FBXO42: variants seen among roughly 807,000 people sequenced by gnomAD.
FBXO42 encodes F-box protein 42, also known as F-box only protein 42.
A neutral mutation model predicts 71.7 loss-of-function variants in FBXO42; 12 were observed. The observed-to-expected ratio is 0.17, with a 90% CI of 0.11 to 0.27. FBXO42 has a LOEUF of 0.27. Among genes scored for constraint, FBXO42 ranks in the 10% least tolerant of loss-of-function variants. The probability of loss-of-function intolerance (pLI) is 1.00; values close to 1 mark genes in which losing one functional copy is unlikely to be tolerated. For missense variants in FBXO42, 707 were observed against 911.9 expected, an observed-to-expected ratio of 0.78 and a Z score of 2.89; for synonymous variants, 325 against 327.5, an observed-to-expected ratio of 0.99 and a Z score of 0.08.
intron 4 of FBXO42, among the ~76,000 whole-genome samples, chr1:16,286,583 G>C (rs1257051461): frequency 6.6e-6 from 1 of 152,086 alleles, no homozygotes; most frequent in Non-Finnish European, 1.5e-5. Flanking sequence ...ATTTGGGTGG[G>C]GACACAGGGC....
At chr1:16,347,387 C>T (rs1398609712) in intron 1 of FBXO42, among the ~76,000 whole-genome samples, 2 of 151,636 alleles carry the variant, frequency 1.3e-5, no homozygotes, top group Non-Finnish European at 2.9e-5. Flanking sequence ...TGGTGGTGTG[C>T]ACCTGTAATA....
In FBXO42 at chr1:16,337,883, C is replaced by CAAAAAAAAAAAAAAAAAAAAAAAAA. The variant is rs60328879; in HGVS notation, c.-18+14347_-18+14371dup. On this transcript the variant is annotated intron_variant, in intron 1 of 9. Transcript: ENST00000375592. ...TGGGAGAAAGAGCGAGACTCCGTCT[C>CAAAAAAAAAAAAAAAAAAAAAAAAA]AAAAAAAAAAAAAAAAAAAAAAAAA... is the stretch of plus-strand genomic sequence containing the variant. Among the ~76,000 whole-genome samples, 6 of 38,850 alleles carry CAAAAAAAAAAAAAAAAAAAAAAAAA rather than the reference C, an allele frequency of 1.5e-4. 1 individual carries two copies. Among genetic ancestry groups the CAAAAAAAAAAAAAAAAAAAAAAAAA allele is most frequent in the Non-Finnish European group, 2.7e-4 (6 of 22,550 alleles). The allele number at this position is 38,850 out of a possible 152,430, so 25.5% of individuals were successfully genotyped here.
intron 1 of FBXO42, among the ~76,000 whole-genome samples, chr1:16,328,607 G>A (rs2082470399): frequency 6.6e-6 from 1 of 152,002 alleles, no homozygotes; most frequent in Non-Finnish European, 1.5e-5. Context: ...ATTTACAATT[G>A]GTGCATAATA....
At chr1:16,347,992 C>CAAAAAAAAAAAA in intron 1 of FBXO42, among the ~76,000 whole-genome samples, 1 of 67,754 alleles carries the variant, frequency 1.5e-5, no homozygotes, top group South Asian at 5.9e-4. Context: ...GACTCCGTCT[C>CAAAAAAAAAAAA]AAAAAAAAAA....
intron 1 of FBXO42, among the ~76,000 whole-genome samples, chr1:16,342,683 T>C (rs2082618551): frequency 6.6e-6 from 1 of 152,082 alleles, no homozygotes; most frequent in African/African-American, 2.4e-5. Flanking sequence ...AGTTACCTAC[T>C]GCTATGGTTT....
chr1:16,285,674 A>C (rs913404105), intron 4 of FBXO42, among the ~76,000 whole-genome samples: 1 of 152,156 alleles, frequency 6.6e-6, no homozygotes, highest in Non-Finnish European at 1.5e-5. Context: ...CAGTCTTTAC[A>C]TGACTTGACC....
rs113684221 is a variant in FBXO42 at position 16,279,423 on chromosome 1, T to A, written c.502+15360A>T. Among the ~76,000 whole-genome samples, 2,335 of 152,144 alleles carry A rather than the reference T, an allele frequency of 0.015. 110 individuals carry two copies. The East Asian group carries it at 0.15, about 10-fold the overall frequency. ...CTACACTCCAGCCTGGGCAACAGAG[T>A]GAGACCCCATCTCTTGAAAAGCAAA... On this transcript the variant is annotated intron_variant, in intron 4 of 9. Coordinates refer to ENST00000375592, the MANE Select transcript of FBXO42 (RefSeq NM_018994.3).
At chr1:16,277,586 G>A (rs964601779) in intron 4 of FBXO42, among the ~76,000 whole-genome samples, 11 of 151,726 alleles carry the variant, frequency 7.2e-5, no homozygotes, top group African/African-American at 2.7e-4. Flanking sequence ...CTAGCCGGGC[G>A]TGGTGGTATG....
intron 4 of FBXO42, among the ~76,000 whole-genome samples, chr1:16,287,576 G>A (rs991214645): frequency 3.3e-5 from 5 of 152,176 alleles, no homozygotes; most frequent in Non-Finnish European, 7.3e-5. Flanking sequence ...TGAACAGAAG[G>A]ACTGTAGAGT....
intron 4 of FBXO42, among the ~76,000 whole-genome samples, chr1:16,281,083 C>T (rs377071986): frequency 1.1e-3 from 173 of 152,316 alleles, no homozygotes; most frequent in African/African-American, 4.0e-3. Flanking sequence ...CTGCCTCAGC[C>T]TCCCGAGTAG....
intron 1 of FBXO42, among the ~76,000 whole-genome samples, chr1:16,335,782 G>A (rs970041956): frequency 2.7e-5 from 4 of 149,482 alleles, no homozygotes; most frequent in African/African-American, 4.9e-5. Flanking sequence ...CAGGAGAATC[G>A]CTTGAACCTG....
rs527685281 is a variant in FBXO42 at position 16,250,700 on chromosome 1, G to A, written c.2124C>T (p.Asn708=). The change falls in exon 10 of 10, where the codon AAC becomes AAT. Residue 708 remains asparagine, a synonymous_variant. Coordinates refer to ENST00000375592, the MANE Select transcript of FBXO42 (RefSeq NM_018994.3). The surrounding 1 kb of genome is among the most constrained non-coding windows in gnomAD (Gnocchi z 4.7). ...TCTTTGCTCGTACAAAGTACAAGGC[G>A]TTTGTTTTTGGATAGTACTTCACAT... ...KQNVKYYPKT[N]ALYFVRAKR 2.0e-5 allele frequency: 33 copies of A among 1,614,080 alleles called. No individual in the cohort carries two copies. Among genetic ancestry groups the A allele is most frequent in the South Asian group, 3.3e-5 (3 of 91,078 alleles).
At chr1:16,292,142 T>C (rs1434533678) in intron 4 of FBXO42, among the ~76,000 whole-genome samples, 2 of 152,268 alleles carry the variant, frequency 1.3e-5, no homozygotes, top group East Asian at 3.8e-4. Flanking sequence ...GTATGTTTTG[T>C]CAAAGGGAAT....
intron 3 of FBXO42, among the ~76,000 whole-genome samples, chr1:16,299,882 A>G (rs1443376427): frequency 6.6e-6 from 1 of 152,076 alleles, no homozygotes; most frequent in Non-Finnish European, 1.5e-5. Flanking sequence ...TGATCTCGTG[A>G]TTCACCTGCC....
intron 1 of FBXO42, among the ~76,000 whole-genome samples, chr1:16,329,032 G>A (rs1014968676): frequency 1.3e-5 from 2 of 151,618 alleles, no homozygotes; most frequent in East Asian, 1.9e-4. Flanking sequence ...CCATGGTGGC[G>A]GGTGCCTGTA....
At chr1:16,295,754 A>G (rs2082123402) in intron 3 of FBXO42, among the ~76,000 whole-genome samples, 1 of 152,150 alleles carries the variant, frequency 6.6e-6, no homozygotes, top group African/African-American at 2.4e-5. Context: ...TGAAGTAACC[A>G]CACATAAAGT....
intron 4 of FBXO42, among the ~76,000 whole-genome samples, chr1:16,268,122 G>C (rs868492597): frequency 1.2e-4 from 18 of 151,962 alleles, no homozygotes; most frequent in African/African-American, 4.4e-4. Context: ...AGTTCTAATG[G>C]GGGTGGGGGG....
chr1:16,257,070 T>C (rs540683919), intron 4 of FBXO42, among the ~76,000 whole-genome samples: 27 of 152,282 alleles, frequency 1.8e-4, no homozygotes, highest in African/African-American at 6.3e-4. Context: ...GAGTATTAAA[T>C]AGTATATTCA....
chr1:16,274,655 G>A (rs1170238992), intron 4 of FBXO42, among the ~76,000 whole-genome samples: 1 of 132,498 alleles, frequency 7.5e-6, no homozygotes, highest in East Asian at 2.3e-4. Flanking sequence ...GCAGTGGCGT[G>A]AACTTGGCTC....
Sources: allele counts gnomAD v4.1 joint callset (sites outside exome capture counted in the v4.1 genomes callset), GRCh38; gene constraint gnomAD v4.1.1; non-coding constraint Gnocchi (gnomAD v3.1); transcripts MANE v1.5; gene names NCBI Gene and HGNC (gene_info 2026-07-23, HGNC 2026-07-21).